The following KCNIP4 variants were observed in gnomAD, a reference collection of about 807,000 sequenced individuals.
The protein encoded by KCNIP4 is potassium voltage-gated channel interacting protein 4.
A neutral mutation model predicts 34.0 loss-of-function variants in KCNIP4; 12 were observed. That is an observed-to-expected ratio of 0.35 (90% CI 0.23 to 0.57). The LOEUF (loss-of-function observed/expected upper bound fraction) is 0.57. Ranked by LOEUF, KCNIP4 falls within the 20% of genes least tolerant of loss-of-function variation. KCNIP4 has a pLI of 0.83. For synonymous variants in KCNIP4, 124 were observed against 102.2 expected, an observed-to-expected ratio of 1.21 and a Z score of -1.29; for missense variants, 238 against 311.7, an observed-to-expected ratio of 0.76 and a Z score of 1.78.
intron 1 of KCNIP4, among the ~76,000 whole-genome samples, chr4:21,118,475 C>T (rs1424630330): frequency 6.6e-6 from 1 of 152,206 alleles, no homozygotes; most frequent in East Asian, 1.9e-4. Flanking sequence ...AATCAGGGCA[C>T]TCCTGAAGCC....
intron 1 of KCNIP4, among the ~76,000 whole-genome samples, chr4:21,103,095 TG>T (rs1560722309): frequency 6.6e-6 from 1 of 151,932 alleles, no homozygotes; most frequent in African/African-American, 2.4e-5. Context: ...ATCAATCAAA[TG>T]GGGTGATAGA....
Position 21,027,080 on chromosome 4 carries a change from G to T in KCNIP4, c.62-144371C>A, listed in dbSNP as rs181777099. On this transcript the variant is annotated intron_variant, in intron 1 of 8. Coordinates refer to ENST00000382152, the MANE Select transcript of KCNIP4 (RefSeq NM_025221.6). Reference sequence around the variant, plus strand: ...AAACATATTGGGGAATATCAACAGTGGGTGTGGATAGATCAGTTTCTTAAG... The same window carrying T: ...AAACATATTGGGGAATATCAACAGTTGGTGTGGATAGATCAGTTTCTTAAG... Among the ~76,000 whole-genome samples the T allele has an allele frequency of 2.0e-5, 3 of 152,320 alleles. No individual in the cohort carries two copies. In the East Asian group the frequency reaches 5.8e-4, roughly 29 times the overall value.
intron 1 of KCNIP4, among the ~76,000 whole-genome samples, chr4:20,988,210 C>G (rs1736771102): frequency 6.6e-6 from 1 of 152,028 alleles, no homozygotes; most frequent in Non-Finnish European, 1.5e-5. Flanking sequence ...CACCACCTCA[C>G]TCTCAGGCCC....
intron 1 of KCNIP4, among the ~76,000 whole-genome samples, chr4:21,694,914 C>CAAAAAAAAAAAAAAAAAAA (rs368053041): frequency 8.6e-5 from 4 of 46,524 alleles, no homozygotes; most frequent in Admixed American, 1.9e-4. Flanking sequence ...CACGATTGAC[C>CAAAAAAAAAAAAAAAAAAA]AAAAAAAAAA....
At chr4:21,899,527 G>C (rs1379501125) in intron 1 of KCNIP4, among the ~76,000 whole-genome samples, 1 of 151,256 alleles carries the variant, frequency 6.6e-6, no homozygotes, top group Non-Finnish European at 1.5e-5. Context: ...TGATCTTATA[G>C]TTGAAAAACC....
intron 1 of KCNIP4, among the ~76,000 whole-genome samples, chr4:21,736,585 C>T (rs1159219484): frequency 6.6e-6 from 1 of 152,158 alleles, no homozygotes; most frequent in Non-Finnish European, 1.5e-5. Context: ...CATCCCATTC[C>T]TCGTTTTGAC....
intron 1 of KCNIP4, among the ~76,000 whole-genome samples, chr4:21,749,636 G>A (rs186378572): frequency 3.3e-5 from 5 of 152,030 alleles, no homozygotes; most frequent in Non-Finnish European, 1.5e-5. Context: ...AATGAGACCC[G>A]TCATTCTTGG....
chr4:21,711,755 G>T (rs1453018060), intron 1 of KCNIP4, among the ~76,000 whole-genome samples: 2 of 152,128 alleles, frequency 1.3e-5, no homozygotes, highest in Admixed American at 1.3e-4. Context: ...AACCTGTGAT[G>T]TGCATTTCCC....
rs115950084 is a variant in KCNIP4, at chr4:21,302,613, A to G, written c.62-419904T>C. On this transcript the variant is annotated intron_variant, in intron 1 of 8. Transcript: ENST00000382152. The stretch of plus-strand genomic sequence containing the variant: ...ACTTATCCTCTTTCTAGAACTACAG[A>G]TATTTCCATCAGAGAGGGCTACCAA... Among the ~76,000 whole-genome samples, 1,035 of 152,306 alleles carry G rather than the reference A, an allele frequency of 6.8e-3. 2 individuals are homozygous for G. Among genetic ancestry groups the G allele is most frequent in the Non-Finnish European group, 0.012 (800 of 68,024 alleles).
chr4:21,587,722 A>G (rs2109085963), intron 1 of KCNIP4, among the ~76,000 whole-genome samples: 1 of 152,218 alleles, frequency 6.6e-6, no homozygotes, highest in East Asian at 1.9e-4. Context: ...CAAGAGAACC[A>G]TTGTGTTTGC....
intron 3 of KCNIP4, among the ~76,000 whole-genome samples, chr4:20,774,288 C>T (rs1756180493): frequency 6.6e-6 from 1 of 151,962 alleles, no homozygotes; most frequent in Admixed American, 6.5e-5. Context: ...TATTTAATTT[C>T]AGAGGATTTT....
chr4:21,076,710 A>C (rs1008053452), intron 1 of KCNIP4, among the ~76,000 whole-genome samples: 5 of 152,274 alleles, frequency 3.3e-5, no homozygotes, highest in African/African-American at 7.2e-5. Flanking sequence ...GCTATGAGAA[A>C]TGTCGTTGAT....
At chr4:21,593,740 C>T (rs938423991) in intron 1 of KCNIP4, among the ~76,000 whole-genome samples, 5 of 152,044 alleles carry the variant, frequency 3.3e-5, no homozygotes, top group African/African-American at 1.2e-4. Context: ...TTAAGTGCAC[C>T]TATACCAAGA....
At chr4:21,940,696 C>A (rs888235845) in intron 1 of KCNIP4, among the ~76,000 whole-genome samples, 2 of 152,202 alleles carry the variant, frequency 1.3e-5, no homozygotes, top group Non-Finnish European at 2.9e-5. Context: ...AAAGAAACAG[C>A]AACATTAAAC....
intron 1 of KCNIP4, among the ~76,000 whole-genome samples, chr4:21,066,140 A>T (rs1387920540): frequency 6.6e-6 from 1 of 152,072 alleles, no homozygotes; most frequent in Non-Finnish European, 1.5e-5. Context: ...TATAGGATCA[A>T]CAACACCGGT....
intron 5 of KCNIP4, among the ~76,000 whole-genome samples, chr4:20,738,692 G>T (rs1750296118): frequency 6.6e-6 from 1 of 152,360 alleles, no homozygotes; most frequent in South Asian, 2.1e-4. Context: ...GAAGATGGGT[G>T]ATTTCTGCAT....
intron 1 of KCNIP4, among the ~76,000 whole-genome samples, chr4:21,087,136 C>T (rs534508493): frequency 7.6e-6 from 1 of 131,622 alleles, no homozygotes; most frequent in Non-Finnish European, 1.6e-5. Flanking sequence ...TGCACCACCA[C>T]TGCTGGGTAA....
chr4:21,411,470 C>T (rs146250326), intron 1 of KCNIP4, among the ~76,000 whole-genome samples: 175 of 152,238 alleles, frequency 1.1e-3, no homozygotes, highest in African/African-American at 4.2e-3. Context: ...CTGATATTAA[C>T]AGAAACAGTG....
chr4:21,535,537 C>A (rs1191741708), intron 1 of KCNIP4, among the ~76,000 whole-genome samples: 1 of 152,056 alleles, frequency 6.6e-6, no homozygotes, highest in Non-Finnish European at 1.5e-5. Flanking sequence ...TGTAAAGAAC[C>A]ATGATTTAAG....
Sources: gnomAD v4.1 joint callset for allele counts (sites outside exome capture counted in the v4.1 genomes callset) on GRCh38, gnomAD v4.1.1 for gene constraint, MANE v1.5 for transcripts, NCBI Gene and HGNC (gene_info 2026-07-23, HGNC 2026-07-21) for gene names.